Variants in MTX2 observed in about 807,000 individuals in gnomAD.
The protein encoded by MTX2 is metaxin-2.
In MTX2, 35 loss-of-function variants were observed where a neutral mutation model predicts 42.3. That is an observed-to-expected ratio of 0.83 (90% CI 0.63 to 1.10). The LOEUF is 1.10. MTX2 is among the 50% of genes least tolerant of loss of function. MTX2 has a pLI of 0.00. For synonymous variants in MTX2, 119 were observed against 100.9 expected, an observed-to-expected ratio of 1.18 and a Z score of -1.08; for missense variants, 307 against 304.1, an observed-to-expected ratio of 1.01 and a Z score of -0.07.
chr2:176,297,984 T>C (rs887437542), intron 3 of MTX2, 89 bp downstream of exon 3: 2 of 874,846 alleles, frequency 2.3e-6, no homozygotes, highest in African/African-American at 3.5e-5. Flanking sequence ...CCTTCCAAAA[T>C]GTCTGATACT....
At chr2:176,336,737 A>G (rs1005597429) in intron 9 of MTX2, among the ~76,000 whole-genome samples, 1 of 152,156 alleles carries the variant, frequency 6.6e-6, no homozygotes, top group African/African-American at 2.4e-5. Context: ...ACAACTAGCA[A>G]ATCATATTTT....
At chr2:176,335,157 A>G (rs1352682686) in intron 9 of MTX2, among the ~76,000 whole-genome samples, 2 of 152,096 alleles carry the variant, frequency 1.3e-5, no homozygotes, top group South Asian at 2.1e-4. Context: ...AGACTTTAAG[A>G]TGTGCCATTT....
At chr2:176,272,902 G>A (rs187084752) in intron 1 of MTX2, among the ~76,000 whole-genome samples, 14 of 152,300 alleles carry the variant, frequency 9.2e-5, no homozygotes, top group Non-Finnish European at 1.3e-4. Flanking sequence ...TTGCCAAGAA[G>A]TGAAAACAGG....
At chr2:176,313,211 T>C (rs1684357441) in intron 3 of MTX2, among the ~76,000 whole-genome samples, 1 of 151,938 alleles carries the variant, frequency 6.6e-6, no homozygotes, top group African/African-American at 2.4e-5. Flanking sequence ...TGTCAGATAG[T>C]GTATAAAATG....
At chr2:176,304,290 T>C (rs1388740371) in intron 3 of MTX2, 1 of 154,444 alleles carries the variant, frequency 6.5e-6, no homozygotes, top group Non-Finnish European at 1.5e-5. Flanking sequence ...TATACTGTTA[T>C]ACCAGAGTAC....
rs74534404 is a variant in MTX2 at position 176,334,395 on chromosome 2, T to C, written c.621-3098T>C. On this transcript the variant is annotated intron_variant, in intron 9 of 9. Transcript: ENST00000249442. ...AGATGTACCTCTTAAGAAATATGTT[T>C]AAGGATGTGGAAGAATTGGTGTTTG... is the stretch of plus-strand genomic sequence containing the variant. Among the ~76,000 whole-genome samples the C allele has an allele frequency of 3.7e-3, 558 of 151,948 alleles. 6 individuals carry two copies. The highest frequency in any genetic ancestry group is 0.036 in the East Asian group (184 of 5,166).
chr2:176,302,056 CAG>C lies in MTX2; in HGVS notation c.135+4165_135+4166del, dbSNP rs200702723. On this transcript the variant is annotated intron_variant, in intron 3 of 9. Coordinates refer to ENST00000249442, the MANE Select transcript of MTX2 (RefSeq NM_006554.5). ...GTCCAATGTGCTAGCCGTTGCACAA[CAG>C]AGACTTTCTAGTAAGTTTTAGAAAG... Among the ~76,000 whole-genome samples the C allele has an allele frequency of 3.3e-5, 5 of 150,882 alleles. No individual in the cohort carries two copies. In the East Asian group the frequency reaches 9.7e-4, roughly 29 times the overall value.
intron 3 of MTX2, among the ~76,000 whole-genome samples, chr2:176,314,211 A>AGGTG: frequency 1.3e-5 from 2 of 152,144 alleles, no homozygotes; most frequent in East Asian, 3.9e-4. Context: ...TAAGACGGGC[A>AGGTG]GATCACTTGA....
intron 3 of MTX2, among the ~76,000 whole-genome samples, chr2:176,315,176 T>C (rs911161643): frequency 6.6e-6 from 1 of 152,214 alleles, no homozygotes; most frequent in Admixed American, 6.5e-5. Flanking sequence ...TGTCTGCTAT[T>C]CATTTCTCGT....
At chr2:176,325,438 A>G in intron 4 of MTX2, among the ~76,000 whole-genome samples, 1 of 151,816 alleles carries the variant, frequency 6.6e-6, no homozygotes, top group African/African-American at 2.4e-5. Flanking sequence ...ATATCTCTTT[A>G]TATTTAGAGA....
chr2:176,322,717 G>C (rs549917961), intron 3 of MTX2, among the ~76,000 whole-genome samples: 80 of 151,802 alleles, frequency 5.3e-4, no homozygotes, highest in African/African-American at 1.7e-3. Flanking sequence ...ATTTTTTCTT[G>C]ATGTAAAATT....
intron 4 of MTX2, among the ~76,000 whole-genome samples, chr2:176,324,131 AATT>A (rs1288165986): frequency 2.6e-5 from 4 of 151,566 alleles, no homozygotes; most frequent in African/African-American, 4.8e-5. Flanking sequence ...TGATTATTGT[AATT>A]ATGGTTTTGT....
intron 8 of MTX2, among the ~76,000 whole-genome samples, chr2:176,330,188 T>C (rs1364416017): frequency 6.6e-6 from 1 of 151,014 alleles, no homozygotes; most frequent in Non-Finnish European, 1.5e-5. Flanking sequence ...ATTAAGCAGA[T>C]TTTTTGGTAT....
chr2:176,280,846 T>TA lies in MTX2; in HGVS notation c.40+11179dup, dbSNP rs576836394. ...AGAGAAAAGGGGACAGGAAAAGAGG[T>TA]AATGAACCAGTCTAAGGAGAGCGTC... On this transcript the variant is annotated intron_variant, in intron 1 of 9. Transcript: ENST00000249442. Among the ~76,000 whole-genome samples the TA allele has an allele frequency of 8.5e-5, 13 of 152,258 alleles. No individual in the cohort carries two copies. The East Asian group carries it at 1.9e-3, about 23-fold the overall frequency.
intron 3 of MTX2, among the ~76,000 whole-genome samples, chr2:176,299,955 C>CT (rs1326213959): frequency 2.0e-5 from 3 of 152,134 alleles, no homozygotes; most frequent in Middle Eastern, 3.4e-3. Context: ...TTTTTGAACT[C>CT]TAAGAACTTT....
At chr2:176,302,536 A>G (rs886092649) in intron 3 of MTX2, among the ~76,000 whole-genome samples, 6 of 152,108 alleles carry the variant, frequency 3.9e-5, no homozygotes, top group Admixed American at 1.3e-4. Context: ...TCCCAGGTTC[A>G]AGTGATTCTC....
At chr2:176,332,391 T>C (rs954745044) in intron 9 of MTX2, among the ~76,000 whole-genome samples, 4 of 151,400 alleles carry the variant, frequency 2.6e-5, no homozygotes, top group Non-Finnish European at 4.4e-5. Context: ...AGTCAGGTAT[T>C]ATACTGCAAG....
chr2:176,304,154 G>A (rs1183613353), intron 3 of MTX2: 2 of 154,388 alleles, frequency 1.3e-5, no homozygotes, highest in Admixed American at 6.6e-5. Flanking sequence ...CTGTGTGAGT[G>A]AAACATCTTT....
At chr2:176,295,063 C>G (rs1683823743) in intron 1 of MTX2, among the ~76,000 whole-genome samples, 1 of 152,120 alleles carries the variant, frequency 6.6e-6, no homozygotes, top group South Asian at 2.1e-4. Context: ...AATCAAATAT[C>G]TTCTTTCTTT....
Sources: allele counts gnomAD v4.1 joint callset (sites outside exome capture counted in the v4.1 genomes callset), GRCh38; gene constraint gnomAD v4.1.1; transcripts MANE v1.5; gene names NCBI Gene and HGNC (gene_info 2026-07-23, HGNC 2026-07-21).